The following RORA variants were observed in gnomAD, a reference collection of about 807,000 sequenced individuals.
The protein encoded by RORA is nuclear receptor ROR-alpha.
RORA carries 7 observed loss-of-function variants against 69.5 expected under a neutral mutation model. The ratio of observed to expected loss-of-function variants is 0.10; its 90% CI spans 0.06 to 0.19. The LOEUF (loss-of-function observed/expected upper bound fraction) is 0.19. Ranked by LOEUF, RORA falls within the 10% of genes least tolerant of loss-of-function variation. The pLI is 1.00. For missense variants in RORA, 457 were observed against 663.0 expected, an observed-to-expected ratio of 0.69 and a Z score of 3.41; for synonymous variants, 261 against 240.8, an observed-to-expected ratio of 1.08 and a Z score of -0.78.
intron 2 of RORA, among the ~76,000 whole-genome samples, chr15:60,668,229 T>C (rs770191102): frequency 2.0e-5 from 3 of 152,184 alleles, no homozygotes; most frequent in Non-Finnish European, 4.4e-5. Context: ...CAATAATGCC[T>C]TGCACAATGT....
At chr15:61,211,284 CAAAAAA>C (rs58967697) in intron 1 of RORA, among the ~76,000 whole-genome samples, 1 of 93,262 alleles carries the variant, frequency 1.1e-5, no homozygotes, top group Non-Finnish European at 2.2e-5. Flanking sequence ...AAAACAACAG[CAAAAAA>C]AAAAAAAAAA....
rs143559163 is a variant in RORA at position 60,805,923 on chromosome 15, A to C, written c.167-127237T>G. On this transcript the variant is annotated intron_variant, in intron 1 of 10. Coordinates refer to ENST00000335670, the MANE Select transcript of RORA (RefSeq NM_134261.3). ...ACCAAATTGGCAACACAAGTCACAG[A>C]AGTTTAAATCTCAGGTGTTCAGGAG... Among the ~76,000 whole-genome samples the C allele has an allele frequency of 1.3e-4, 20 of 152,352 alleles. 1 individual carries two copies. The highest frequency in any genetic ancestry group is 4.8e-4 in the African/African-American group (20 of 41,586).
chr15:60,750,221 C>T (rs779123661), intron 1 of RORA, among the ~76,000 whole-genome samples: 26 of 152,150 alleles, frequency 1.7e-4, no homozygotes, highest in Non-Finnish European at 3.5e-4. Context: ...GTGGCATAGC[C>T]AAAGTCTGAC....
rs1555406917 is a variant in RORA, at chr15:61,061,388, A to ATAC, written c.166+167664_166+167665insGTA. On this transcript the variant is annotated intron_variant, in intron 1 of 10. Transcript: ENST00000335670. This position sits in a 1 kb window ranked among gnomAD's most constrained non-coding sequence, Gnocchi z 4.4. ...AAATAAATAAATAAATAAATAAATA[A>ATAC]ATAAATAAATACAAGGGCATCGCAG... Among the ~76,000 whole-genome samples, 53 of 122,826 alleles carry ATAC rather than the reference A, an allele frequency of 4.3e-4. 1 individual carries two copies. Among genetic ancestry groups the ATAC allele is most frequent in the Non-Finnish European group, 5.6e-4 (30 of 53,154 alleles). 80.6% of individuals were successfully genotyped at this position (122,826 alleles called of 152,430 possible). A position where few individuals can be genotyped will look rare whatever the true frequency, so the allele number is the denominator to read the frequency against.
chr15:61,123,364 C>T lies in RORA; in HGVS notation c.166+105689G>A, dbSNP rs1020554315. On this transcript the variant is annotated intron_variant, in intron 1 of 10. Coordinates refer to ENST00000335670, the MANE Select transcript of RORA (RefSeq NM_134261.3). ...CAGACCAACATATATCAAAACTGAG[C>T]AGCTAAAGCTTGCAAATACACTGCC... 3.3e-5 allele frequency among the ~76,000 whole-genome samples: 5 copies of T among 152,136 alleles called. 1 individual carries two copies. The highest frequency in any genetic ancestry group is 2.6e-4 in the Admixed American group (4 of 15,280).
chr15:61,018,513 T>G (rs982453672), intron 1 of RORA, among the ~76,000 whole-genome samples: 1 of 152,198 alleles, frequency 6.6e-6, no homozygotes, highest in African/African-American at 2.4e-5. Context: ...ATGTGTAGTG[T>G]GTAGCGTAGT....
At chr15:61,117,998 T>C (rs2079065941) in intron 1 of RORA, among the ~76,000 whole-genome samples, 2 of 152,326 alleles carry the variant, frequency 1.3e-5, no homozygotes, top group African/African-American at 4.8e-5. Context: ...CATTGACTCA[T>C]ACATTTATTC....
At chr15:61,187,908 G>A (rs557076714) in intron 1 of RORA, among the ~76,000 whole-genome samples, 3 of 151,932 alleles carry the variant, frequency 2.0e-5, no homozygotes, top group Non-Finnish European at 4.4e-5. Context: ...AATTCCTAAG[G>A]CAGAAATTTA....
chr15:60,531,468 CTTT>C lies in RORA; in HGVS notation c.282+295_282+297del, dbSNP rs1002604297. 6.8e-6 allele frequency: 2 copies of C among 292,346 alleles called. No individual in the cohort carries two copies. The highest frequency in any genetic ancestry group is 1.2e-5 in the Non-Finnish European group (2 of 160,950). 18.1% of individuals were successfully genotyped at this position (292,346 alleles called of 1,614,324 possible). ...ACATTGTAGAAGTCTGGAGTTAGCT[CTTT>C]TTTAAAAAAGATTGCCACAGAGATT... On this transcript the variant is annotated intron_variant, in intron 3 of 10. Transcript: ENST00000335670. The surrounding 1 kb of genome is among the most constrained non-coding windows in gnomAD (Gnocchi z 4.8).
intron 1 of RORA, among the ~76,000 whole-genome samples, chr15:60,919,132 C>T (rs997985951): frequency 6.6e-6 from 1 of 152,192 alleles, no homozygotes; most frequent in Non-Finnish European, 1.5e-5. Context: ...TTCTTGGCAA[C>T]AGTGGCCTCC....
intron 1 of RORA, among the ~76,000 whole-genome samples, chr15:61,040,115 T>TATAC (rs1896674874): frequency 5.1e-5 from 1 of 19,524 alleles, no homozygotes; most frequent in Non-Finnish European, 1.0e-4. Context: ...CAAGCTTTGA[T>TATAC]ATATATATAT....
At chr15:60,636,274 A>T (rs2069838155) in intron 2 of RORA, among the ~76,000 whole-genome samples, 1 of 152,194 alleles carries the variant, frequency 6.6e-6, no homozygotes, top group Non-Finnish European at 1.5e-5. Flanking sequence ...TTCTATTCCT[A>T]GAAAGAGGTA....
At chr15:60,561,071 GT>G (rs1327292946) in intron 2 of RORA, among the ~76,000 whole-genome samples, 9 of 110,498 alleles carry the variant, frequency 8.1e-5, no homozygotes, top group Admixed American at 3.4e-4. Context: ...TTTTTTTTTT[GT>G]TTTGTTTTTG....
chr15:60,527,226 A>C (rs959186773), intron 3 of RORA, among the ~76,000 whole-genome samples: 1 of 152,244 alleles, frequency 6.6e-6, no homozygotes, highest in African/African-American at 2.4e-5. Flanking sequence ...AAAATATCTA[A>C]AAGGATATGG....
intron 1 of RORA, among the ~76,000 whole-genome samples, chr15:60,882,689 T>G (rs1366172931): frequency 6.6e-6 from 1 of 151,526 alleles, no homozygotes; most frequent in Non-Finnish European, 1.5e-5. Flanking sequence ...ACACACGGTC[T>G]AGAAGGATAC....
intron 1 of RORA, among the ~76,000 whole-genome samples, chr15:60,966,890 C>G (rs1388566179): frequency 6.6e-6 from 1 of 152,244 alleles, no homozygotes; most frequent in African/African-American, 2.4e-5. Flanking sequence ...CAACTTGGGA[C>G]TGAGGTTTAA....
chr15:61,053,823 A>G (rs115481869), intron 1 of RORA, among the ~76,000 whole-genome samples: 141 of 139,552 alleles, frequency 1.0e-3, no homozygotes, highest in African/African-American at 3.8e-3. Context: ...GAATCTACAC[A>G]GCATGAAGAG....
At chr15:60,585,940 C>A (rs1305928472) in intron 2 of RORA, among the ~76,000 whole-genome samples, 1 of 152,152 alleles carries the variant, frequency 6.6e-6, no homozygotes, top group Admixed American at 6.5e-5. Context: ...TCACTGGCAC[C>A]ATTATGGGTT....
intron 2 of RORA, among the ~76,000 whole-genome samples, chr15:60,648,136 T>C (rs750689176): frequency 8.3e-4 from 127 of 152,238 alleles, no homozygotes; most frequent in Non-Finnish European, 1.4e-3. Flanking sequence ...GGTGTCTCAT[T>C]CTGTTTGCAA....
Sources: allele counts gnomAD v4.1 joint callset (sites outside exome capture counted in the v4.1 genomes callset), GRCh38; gene constraint gnomAD v4.1.1; non-coding constraint Gnocchi (gnomAD v3.1); transcripts MANE v1.5; gene names NCBI Gene and HGNC (gene_info 2026-07-23, HGNC 2026-07-21).